The following FSIP1 variants were observed in gnomAD, a reference collection of about 807,000 sequenced individuals.
The protein encoded by FSIP1 is fibrous sheath-interacting protein 1.
In FSIP1, 65 loss-of-function variants were observed where a neutral mutation model predicts 60.9. The observed-to-expected ratio is 1.07, with a 90% CI of 0.87 to 1.31. The LOEUF is 1.31. FSIP1 is among the 40% of genes most tolerant of loss of function. The pLI, the probability that FSIP1 is intolerant of heterozygous loss-of-function variation, is 0.00. For synonymous variants in FSIP1, 209 were observed against 221.2 expected (o/e 0.94, Z 0.49); for missense variants, 675 against 665.5 (o/e 1.01, Z -0.16).
In FSIP1 at chr15:39,759,993, G is replaced by C. The variant is rs1039135717; in HGVS notation, c.559+3828C>G. ...ACATAGATATCTCTTGGGGGATTGGGGTGGATTTTTTTCAGCCAACCACAG... is the reference window on the plus strand; with the variant it reads ...ACATAGATATCTCTTGGGGGATTGGCGTGGATTTTTTTCAGCCAACCACAG... On this transcript the variant is annotated intron_variant, in intron 5 of 11. Coordinates refer to ENST00000350221, the MANE Select transcript of FSIP1 (RefSeq NM_152597.5). Among the ~76,000 whole-genome samples, 8 of 152,096 alleles carry C rather than the reference G, an allele frequency of 5.3e-5. No individual in the cohort carries two copies. The East Asian group carries it at 5.8e-4, about 11-fold the overall frequency.
At chr15:39,671,084 A>G (rs963946414) in intron 10 of FSIP1, among the ~76,000 whole-genome samples, 1 of 152,242 alleles carries the variant, frequency 6.6e-6, no homozygotes, top group African/African-American at 2.4e-5. Flanking sequence ...TTTACAGGAC[A>G]TACTTCATTT....
At chr15:39,636,292 A>G (rs777707756) in intron 10 of FSIP1, among the ~76,000 whole-genome samples, 1 of 152,170 alleles carries the variant, frequency 6.6e-6, no homozygotes, top group Non-Finnish European at 1.5e-5. Flanking sequence ...TCTCTATTTG[A>G]CCTAAAACTT....
At chr15:39,684,754 A>C (rs1894297475) in intron 10 of FSIP1, among the ~76,000 whole-genome samples, 1 of 152,192 alleles carries the variant, frequency 6.6e-6, no homozygotes, top group Non-Finnish European at 1.5e-5. Context: ...CCTGGGCTTT[A>C]CCATGTGGTG....
At chr15:39,622,466 A>C (rs372671591) in intron 10 of FSIP1, among the ~76,000 whole-genome samples, 14 of 152,348 alleles carry the variant, frequency 9.2e-5, no homozygotes, top group African/African-American at 3.4e-4. Flanking sequence ...AAAAGAATAG[A>C]ATACACATGC....
chr15:39,769,148 G>A (rs1413892795), intron 3 of FSIP1, among the ~76,000 whole-genome samples: 12 of 151,818 alleles, frequency 7.9e-5, no homozygotes, highest in South Asian at 6.3e-4. Flanking sequence ...GCGTGGTAGC[G>A]GGCGCCTGTA....
At chr15:39,663,679 G>A (rs1313567945) in intron 10 of FSIP1, among the ~76,000 whole-genome samples, 3 of 152,196 alleles carry the variant, frequency 2.0e-5, no homozygotes, top group Non-Finnish European at 2.9e-5. Flanking sequence ...AATGTGCAAC[G>A]TATTGAGAAA....
intron 10 of FSIP1, among the ~76,000 whole-genome samples, chr15:39,659,620 G>A: frequency 1.9e-5 from 1 of 53,480 alleles, no homozygotes; most frequent in African/African-American, 6.4e-5. Flanking sequence ...CAATAAAGCT[G>A]TTATTTTAAA....
chr15:39,660,801 T>C (rs1276847895), intron 10 of FSIP1, among the ~76,000 whole-genome samples: 6 of 152,346 alleles, frequency 3.9e-5, no homozygotes, highest in African/African-American at 1.2e-4. Context: ...GGCTCACACC[T>C]GTGATTTTCC....
At chr15:39,676,731 T>C (rs1893957780) in intron 10 of FSIP1, among the ~76,000 whole-genome samples, 1 of 152,224 alleles carries the variant, frequency 6.6e-6, no homozygotes, top group Non-Finnish European at 1.5e-5. Flanking sequence ...TCCTGAAAAC[T>C]GGAAAATCTG....
At chr15:39,734,324 G>T (rs890774542) in intron 8 of FSIP1, among the ~76,000 whole-genome samples, 2 of 152,156 alleles carry the variant, frequency 1.3e-5, no homozygotes, top group Non-Finnish European at 2.9e-5. Context: ...TTCAAGGAAT[G>T]ATTTATACAA....
At chr15:39,666,262 T>A (rs1274958651) in intron 10 of FSIP1, among the ~76,000 whole-genome samples, 5 of 152,194 alleles carry the variant, frequency 3.3e-5, no homozygotes, top group African/African-American at 1.2e-4. Flanking sequence ...GAATGGCATA[T>A]TCAAGACTTG....
chr15:39,782,269 T>G (rs1898295031), intron 1 of FSIP1, among the ~76,000 whole-genome samples: 2 of 152,270 alleles, frequency 1.3e-5, no homozygotes, highest in Admixed American at 6.5e-5. Flanking sequence ...AATTGTTTGC[T>G]GTTTGCATCT....
chr15:39,753,777 C>T (rs1245099160), intron 5 of FSIP1, among the ~76,000 whole-genome samples: 1 of 151,324 alleles, frequency 6.6e-6, no homozygotes, highest in Non-Finnish European at 1.5e-5. Context: ...AAAAGGTAAA[C>T]AAGTAAAAAT....
chr15:39,673,496 G>A (rs990942353), intron 10 of FSIP1, among the ~76,000 whole-genome samples: 1 of 151,632 alleles, frequency 6.6e-6, no homozygotes, highest in Non-Finnish European at 1.5e-5. Flanking sequence ...TTTATTTCTG[G>A]TAGAGACGAG....
Position 39,618,125 on chromosome 15 carries a change from CG to C in FSIP1, c.1308del (p.Asp436GlufsTer2). On this transcript the variant is annotated frameshift_variant, in exon 11 of 12. Coordinates refer to ENST00000350221, the MANE Select transcript of FSIP1 (RefSeq NM_152597.5). LOFTEE classifies it high-confidence loss of function. ...GAAAGCTGGGGGAACACAGGTGTTA[CG>C]TCCTCAATGTCTTCCTTTTTTCTTT... ...SSERKKEDIEDVTPVFPQLSR... is the reference protein window; with the variant it reads ...SSERKKEDIEXVTPVFPQLSR... 1 of 1,614,172 alleles carries C rather than the reference CG, an allele frequency of 6.2e-7. No homozygotes were observed. Among genetic ancestry groups the C allele is most frequent in the Non-Finnish European group, 8.5e-7 (1 of 1,180,018 alleles).
intron 10 of FSIP1, among the ~76,000 whole-genome samples, chr15:39,677,581 C>T (rs1271544456): frequency 6.6e-6 from 1 of 152,034 alleles, no homozygotes; most frequent in Non-Finnish European, 1.5e-5. Context: ...AGGAAATAAC[C>T]AGAGACACAA....
chr15:39,780,146 T>A (rs1295486253), intron 1 of FSIP1, among the ~76,000 whole-genome samples: 1 of 152,198 alleles, frequency 6.6e-6, no homozygotes, highest in Non-Finnish European at 1.5e-5. Flanking sequence ...GCAAACCTTC[T>A]ATCTTTTATA....
intron 10 of FSIP1, among the ~76,000 whole-genome samples, chr15:39,619,910 G>C (rs1440417279): frequency 6.6e-6 from 1 of 152,094 alleles, no homozygotes; most frequent in Non-Finnish European, 1.5e-5. Flanking sequence ...GGGAAAAAAG[G>C]GTAGGAGGGA....
intron 5 of FSIP1, among the ~76,000 whole-genome samples, chr15:39,752,808 G>C (rs1897202708): frequency 6.6e-6 from 1 of 152,074 alleles, no homozygotes; most frequent in East Asian, 1.9e-4. Context: ...TTCACTAGTT[G>C]AAACAAATGA....
Sources: gnomAD v4.1 joint callset for allele counts (sites outside exome capture counted in the v4.1 genomes callset) on GRCh38, gnomAD v4.1.1 for gene constraint, MANE v1.5 for transcripts, NCBI Gene and HGNC (gene_info 2026-07-23, HGNC 2026-07-21) for gene names.